The following CNOT4 variants were observed in gnomAD, a reference collection of about 807,000 sequenced individuals.
The protein encoded by CNOT4 is CCR4-NOT transcription complex subunit 4, also known as CCR4-associated factor 4.
In CNOT4, 8 loss-of-function variants were observed where a neutral mutation model predicts 73.8. That is an observed-to-expected ratio of 0.11 (90% CI 0.06 to 0.20). The LOEUF (loss-of-function observed/expected upper bound fraction) is 0.20, where lower values mean the gene tolerates loss of function less well. Among genes scored for constraint, CNOT4 ranks in the 10% least tolerant of loss-of-function variants. The pLI, the probability that CNOT4 is intolerant of heterozygous loss-of-function variation, is 1.00. For synonymous variants in CNOT4, 293 were observed against 321.1 expected (o/e 0.91, Z 0.94); for missense variants, 564 against 883.4 (o/e 0.64, Z 4.58).
chr7:135,494,118 T>C (rs559985415), intron 1 of CNOT4, among the ~76,000 whole-genome samples: 1 of 150,968 alleles, frequency 6.6e-6, no homozygotes, highest in Non-Finnish European at 1.5e-5. Context: ...GAGGAAGTCT[T>C]TGAGAAGGTA....
chr7:135,417,890 C>G (rs1420539169), intron 3 of CNOT4, among the ~76,000 whole-genome samples: 2 of 152,178 alleles, frequency 1.3e-5, no homozygotes, highest in African/African-American at 4.8e-5. Flanking sequence ...ACCCCAAAGA[C>G]AGCAGAGGGG....
Position 135,426,991 on chromosome 7 carries a change from G to C in CNOT4, c.175-4638C>G, listed in dbSNP as rs776664569. ...ACTAAAACACATGTTAAATTTCTAG[G>C]AATATAGCATCAAATGAAAAGTTAC... On this transcript the variant is annotated intron_variant, in intron 2 of 11. Transcript: ENST00000541284. 2.0e-4 allele frequency among the ~76,000 whole-genome samples: 30 copies of C among 151,430 alleles called. No homozygotes were observed. In the Middle Eastern group the frequency reaches 0.014, roughly 70 times the overall value.
Position 135,379,754 on chromosome 7 carries a change from A to G in CNOT4, c.1627+14164T>C, listed in dbSNP as rs1336567722. 2.0e-5 allele frequency among the ~76,000 whole-genome samples: 3 copies of G among 152,206 alleles called. No individual in the cohort carries two copies. The South Asian group carries it at 6.2e-4, about 32-fold the overall frequency. ...GAAGTCATAACCCAGGCAATCTTTT[A>G]CCTTTAGCTGGATACTAAACATATA... is the stretch of plus-strand genomic sequence containing the variant. On this transcript the variant is annotated intron_variant, in intron 10 of 11. Transcript: ENST00000541284.
intron 10 of CNOT4, among the ~76,000 whole-genome samples, chr7:135,373,962 C>A (rs1346753367): frequency 6.6e-6 from 1 of 152,152 alleles, no homozygotes; most frequent in Non-Finnish European, 1.5e-5. Flanking sequence ...GGTTTATCAA[C>A]CACTGTTCTG....
At chr7:135,493,727 T>C (rs1803266189) in intron 1 of CNOT4, among the ~76,000 whole-genome samples, 1 of 152,146 alleles carries the variant, frequency 6.6e-6, no homozygotes, top group African/African-American at 2.4e-5. Context: ...CTATGAAAAT[T>C]GGAGGAAGGA....
chr7:135,425,068 T>C (rs1463715918), intron 2 of CNOT4, among the ~76,000 whole-genome samples: 1 of 152,202 alleles, frequency 6.6e-6, no homozygotes, highest in Non-Finnish European at 1.5e-5. Context: ...CAGAATAAGA[T>C]ATTTTTCAAT....
chr7:135,509,727 G>A (rs1563091714), intron 1 of CNOT4, 162 bp downstream of exon 1: 4 of 278,812 alleles, frequency 1.4e-5, no homozygotes, highest in African/African-American at 2.2e-5. Context: ...GGAGAGGGAG[G>A]AAGAGGAGGA....
At chr7:135,433,337 A>G (rs1371581716) in intron 2 of CNOT4, among the ~76,000 whole-genome samples, 4 of 129,898 alleles carry the variant, frequency 3.1e-5, no homozygotes, top group Non-Finnish European at 6.6e-5. Context: ...ATTCTTCTTT[A>G]TATCATCCTG....
intron 1 of CNOT4, among the ~76,000 whole-genome samples, chr7:135,461,762 G>A (rs994623689): frequency 2.0e-5 from 3 of 152,082 alleles, no homozygotes; most frequent in Non-Finnish European, 4.4e-5. Flanking sequence ...AACCTGGGAG[G>A]TGGAGGCTGC....
intron 1 of CNOT4, among the ~76,000 whole-genome samples, chr7:135,446,593 T>C (rs1309822995): frequency 6.6e-6 from 1 of 152,160 alleles, no homozygotes; most frequent in African/African-American, 2.4e-5. Flanking sequence ...AATATGTAGC[T>C]AGTGCAAGTC....
intron 3 of CNOT4, among the ~76,000 whole-genome samples, chr7:135,418,017 G>T (rs1347986934): frequency 2.0e-5 from 3 of 152,132 alleles, no homozygotes; most frequent in Admixed American, 6.6e-5. Flanking sequence ...ACTACTACTT[G>T]TTTATCAGTA....
chr7:135,416,445 C>G (rs1356411320), intron 3 of CNOT4, among the ~76,000 whole-genome samples: 1 of 152,136 alleles, frequency 6.6e-6, no homozygotes, highest in African/African-American at 2.4e-5. Flanking sequence ...GGTAATTACA[C>G]TGAGTTTCAA....
intron 1 of CNOT4, among the ~76,000 whole-genome samples, chr7:135,497,235 C>T (rs1214353084): frequency 1.3e-5 from 2 of 151,872 alleles, no homozygotes; most frequent in Admixed American, 1.3e-4. Flanking sequence ...CAGTGAAACC[C>T]CATCTTTACC....
At chr7:135,496,631 CCTCTCT>C (rs112838755) in intron 1 of CNOT4, among the ~76,000 whole-genome samples, 47 of 148,574 alleles carry the variant, frequency 3.2e-4, no homozygotes, top group Admixed American at 6.7e-4. Flanking sequence ...TCTTCCTATT[CCTCTCT>C]CTCTCTCTCT....
In CNOT4 at chr7:135,426,880, G is replaced by A. The variant is rs10237628; in HGVS notation, c.175-4527C>T. ...GGAGGTTGCAGTGAGTGGAGATCAC[G>A]CCACTGTACTCCAGCCTGGGGAACA... On this transcript the variant is annotated intron_variant, in intron 2 of 11. Transcript: ENST00000541284. 2.4e-3 allele frequency among the ~76,000 whole-genome samples: 363 copies of A among 148,836 alleles called. 2 individuals are homozygous for A. The highest frequency in any genetic ancestry group is 8.4e-3 in the African/African-American group (340 of 40,312).
Position 135,393,992 on chromosome 7 carries a change from G to C in CNOT4, c.1553C>G (p.Thr518Ser). ...IMHLNHTANP[T>S]SNSNFLDLNL... ...CAAGTCCAAGAAATTACTATTTGAGGTGGGGTTTGCTGTGTGGTTCAAGTG... is the reference window on the plus strand; with the variant it reads ...CAAGTCCAAGAAATTACTATTTGAGCTGGGGTTTGCTGTGTGGTTCAAGTG... Residue 518 changes from threonine (T) to serine (S), a missense_variant, in exon 10 of 12, where the codon ACC (threonine) becomes AGC (serine). This residue lies in a region of CNOT4 where 153 missense variants were observed against 158.7 expected (regional missense o/e 0.96). Transcript: ENST00000541284. 6.2e-7 allele frequency: 1 copy of C among 1,613,990 alleles called. No individual in the cohort carries two copies. The highest frequency in any genetic ancestry group is 1.3e-5 in the African/African-American group (1 of 75,024).
chr7:135,439,664 A>G (rs1397849453), intron 1 of CNOT4, among the ~76,000 whole-genome samples: 2 of 152,162 alleles, frequency 1.3e-5, no homozygotes, highest in Non-Finnish European at 2.9e-5. Context: ...CTGTAGTCCC[A>G]GCTACTTGGG....
intron 1 of CNOT4, among the ~76,000 whole-genome samples, chr7:135,453,285 A>AT (rs34055196): frequency 6.6e-6 from 1 of 151,772 alleles, no homozygotes; most frequent in Non-Finnish European, 1.5e-5. Flanking sequence ...TAGCCAGTGA[A>AT]TTTTTTTTTA....
At chr7:135,420,319 G>A (rs773808858) in intron 3 of CNOT4, among the ~76,000 whole-genome samples, 26 of 151,944 alleles carry the variant, frequency 1.7e-4, no homozygotes, top group Non-Finnish European at 2.9e-4. Flanking sequence ...GCTCATACCT[G>A]CAATCCCAGC....
Sources: gnomAD v4.1 joint callset for allele counts (sites outside exome capture counted in the v4.1 genomes callset) on GRCh38, gnomAD v4.1.1 for gene constraint, gnomAD v4.1.1 regional missense constraint, MANE v1.5 for transcripts, NCBI Gene and HGNC (gene_info 2026-07-23, HGNC 2026-07-21) for gene names.